The following GRM7 variants were observed in gnomAD, a reference collection of about 807,000 sequenced individuals.
GRM7 encodes the protein glutamate metabotropic receptor 7, also known as metabotropic glutamate receptor 7.
A neutral mutation model predicts 84.5 loss-of-function variants in GRM7; 35 were observed. That is an observed-to-expected ratio of 0.41 (90% confidence interval 0.32 to 0.55). GRM7 has a LOEUF of 0.55. GRM7 is among the 20% of genes least tolerant of loss of function. The probability of loss-of-function intolerance (pLI) is 0.19; values close to 1 mark genes in which losing one functional copy is unlikely to be tolerated. For missense variants in GRM7, 1,003 were observed against 1,194.6 expected (o/e 0.84, Z 2.36); for synonymous variants, 487 against 455.1 (o/e 1.07, Z -0.89).
chr3:7,454,143 A>G (rs1163973523), intron 6 of GRM7, among the ~76,000 whole-genome samples: 1 of 145,286 alleles, frequency 6.9e-6, no homozygotes, highest in Non-Finnish European at 1.5e-5. Context: ...AACTAACATC[A>G]CAATACTCAA....
chr3:6,922,027 A>T (rs1336395817), intron 1 of GRM7, among the ~76,000 whole-genome samples: 1 of 152,176 alleles, frequency 6.6e-6, no homozygotes, highest in African/African-American at 2.4e-5. Flanking sequence ...AACAGGTTGG[A>T]GGGCCGTGGG....
At chr3:7,724,746 C>CA (rs936941405) in intron 9 of GRM7, among the ~76,000 whole-genome samples, 3 of 152,106 alleles carry the variant, frequency 2.0e-5, no homozygotes, top group African/African-American at 7.2e-5. Flanking sequence ...ACCATTTACC[C>CA]ATTCCATTAT....
At chr3:7,582,210 C>A (rs920222829) in intron 8 of GRM7, among the ~76,000 whole-genome samples, 71 of 152,210 alleles carry the variant, frequency 4.7e-4, no homozygotes, top group African/African-American at 1.7e-3. Flanking sequence ...AAAAGCTTGC[C>A]TTGTGGTTGT....
At chr3:7,539,436 G>C (rs145283028) in intron 7 of GRM7, among the ~76,000 whole-genome samples, 3 of 152,076 alleles carry the variant, frequency 2.0e-5, no homozygotes, top group African/African-American at 7.2e-5. Context: ...CAGCACTTTG[G>C]GAGGCCGAGG....
At chr3:7,098,400 T>C (rs183798298) in intron 1 of GRM7, among the ~76,000 whole-genome samples, 1 of 152,110 alleles carries the variant, frequency 6.6e-6, no homozygotes, top group East Asian at 1.9e-4. Flanking sequence ...ATTCCATGGA[T>C]AAACTAGTGA....
intron 7 of GRM7, among the ~76,000 whole-genome samples, chr3:7,480,674 T>C (rs1699092890): frequency 1.3e-5 from 2 of 152,250 alleles, no homozygotes; most frequent in South Asian, 4.1e-4. Context: ...AGTATTACTA[T>C]TGCAGATTTG....
At chr3:7,442,309 A>G (rs1697321345) in intron 5 of GRM7, among the ~76,000 whole-genome samples, 1 of 152,066 alleles carries the variant, frequency 6.6e-6, no homozygotes, top group Admixed American at 6.6e-5. Flanking sequence ...TAATTTTCAT[A>G]TATTGATTTT....
intron 5 of GRM7, among the ~76,000 whole-genome samples, chr3:7,451,194 G>A (rs112595268): frequency 7.9e-5 from 12 of 152,286 alleles, no homozygotes; most frequent in African/African-American, 2.2e-4. Context: ...TACTGGTGTC[G>A]TGTACTTAAT....
At chr3:6,972,776 C>A (rs1322741391) in intron 1 of GRM7, among the ~76,000 whole-genome samples, 1 of 152,280 alleles carries the variant, frequency 6.6e-6, no homozygotes, top group East Asian at 1.9e-4. Flanking sequence ...CACTACCTCG[C>A]TCAGTTATGG....
intron 7 of GRM7, among the ~76,000 whole-genome samples, chr3:7,505,953 G>A (rs1007248290): frequency 2.6e-5 from 4 of 152,036 alleles, no homozygotes; most frequent in African/African-American, 4.8e-5. Flanking sequence ...ATTCTCTACC[G>A]CATCACCAGG....
chr3:7,437,964 T>C (rs1167896896), intron 5 of GRM7, among the ~76,000 whole-genome samples: 3 of 151,874 alleles, frequency 2.0e-5, no homozygotes, highest in Non-Finnish European at 4.4e-5. Context: ...TGCTTGAAAT[T>C]TGTTTAAAAA....
intron 1 of GRM7, among the ~76,000 whole-genome samples, chr3:7,138,483 T>C (rs1350048072): frequency 1.3e-5 from 2 of 151,890 alleles, no homozygotes; most frequent in Admixed American, 6.6e-5. Context: ...GGCATACTGG[T>C]AGACATGAAA....
chr3:7,257,992 C>T (rs116359824), intron 2 of GRM7, among the ~76,000 whole-genome samples: 65 of 152,264 alleles, frequency 4.3e-4, no homozygotes, highest in African/African-American at 1.4e-3. Flanking sequence ...GGCCACAAGG[C>T]TAAGCACTTA....
chr3:7,386,423 T>C (rs1694789502), intron 4 of GRM7, among the ~76,000 whole-genome samples: 1 of 152,166 alleles, frequency 6.6e-6, no homozygotes, highest in African/African-American at 2.4e-5. Context: ...TTGTCCCATT[T>C]CCATCCTCCC....
At chr3:7,488,263 C>G (rs979710170) in intron 7 of GRM7, among the ~76,000 whole-genome samples, 4 of 152,096 alleles carry the variant, frequency 2.6e-5, no homozygotes, top group Non-Finnish European at 5.9e-5. Context: ...ACTTTGGGGA[C>G]TATTCAGATG....
intron 2 of GRM7, among the ~76,000 whole-genome samples, chr3:7,159,241 T>G (rs1694547491): frequency 6.6e-6 from 1 of 152,148 alleles, no homozygotes. Context: ...CCCCCTAAAT[T>G]TTAAAGATCT....
intron 8 of GRM7, among the ~76,000 whole-genome samples, chr3:7,592,233 G>C (rs1231957468): frequency 6.6e-6 from 1 of 151,920 alleles, no homozygotes; most frequent in East Asian, 1.9e-4. Flanking sequence ...TGAAATATAA[G>C]GAGAATATCA....
intron 1 of GRM7, among the ~76,000 whole-genome samples, chr3:7,058,521 GT>G (rs1697312082): frequency 6.6e-6 from 1 of 151,774 alleles, no homozygotes; most frequent in South Asian, 2.1e-4. Context: ...TCTGGTTAGA[GT>G]TTATGTTCAT....
intron 2 of GRM7, among the ~76,000 whole-genome samples, chr3:7,152,858 A>G (rs1166417852): frequency 6.6e-6 from 1 of 152,218 alleles, no homozygotes; most frequent in Non-Finnish European, 1.5e-5. Context: ...ACAGTCAGAT[A>G]TTCATGTTCC....
Sources: gnomAD v4.1 joint callset for allele counts (sites outside exome capture counted in the v4.1 genomes callset) on GRCh38, gnomAD v4.1.1 for gene constraint, MANE v1.5 for transcripts, NCBI Gene and HGNC (gene_info 2026-07-23, HGNC 2026-07-21) for gene names.